DOCK11: variants seen among roughly 807,000 people sequenced by gnomAD.
DOCK11 encodes dedicator of cytokinesis 11, also known as dedicator of cytokinesis protein 11.
In DOCK11, 70 loss-of-function variants were observed where a neutral mutation model predicts 169.1. That is an observed-to-expected ratio of 0.41 (90% CI 0.34 to 0.51). DOCK11 has a LOEUF of 0.51. Among genes scored for constraint, DOCK11 ranks in the 20% least tolerant of loss-of-function variants. The pLI, the probability that DOCK11 is intolerant of heterozygous loss-of-function variation, is 0.10. For missense variants in DOCK11, 1,166 were observed against 1,538.8 expected (o/e 0.76, Z 4.05); for synonymous variants, 529 against 541.3 (o/e 0.98, Z 0.32).
intron 14 of DOCK11, among the ~76,000 whole-genome samples, chrX:118,583,954 G>T (rs1196094211): frequency 9.0e-6 from 1 of 111,167 alleles, no homozygotes; most frequent in Non-Finnish European, 1.9e-5. Flanking sequence ...TTTATCCATG[G>T]TTTTTTGAAT....
intron 12 of DOCK11, among the ~76,000 whole-genome samples, chrX:118,576,646 G>T (rs970072302): frequency 1.8e-5 from 2 of 112,193 alleles, no homozygotes; most frequent in Non-Finnish European, 3.8e-5. Flanking sequence ...CTGGGTTAGC[G>T]CAGTGCAGCG....
In DOCK11 at chrX:118,568,109, C is replaced by G. The variant is rs139686157; in HGVS notation, c.982C>G (p.Leu328Val). The G allele has an allele frequency of 1.0e-5, 12 of 1,157,289 alleles. No individual in the cohort carries two copies. The African/African-American group carries it at 1.8e-4, about 18-fold the overall frequency. Reference sequence around the variant, plus strand: ...AAGAGAAACTGAACAACTAAACAAACTCAGTAGAGGAGATGGAAGACAGAA... The same window carrying G: ...AAGAGAAACTGAACAACTAAACAAAGTCAGTAGAGGAGATGGAAGACAGAA... ...YGRETEQLNK[L>V]SRGDGRQNLF... The change falls in exon 10 of 53, where the codon CTC becomes GTC. Residue 328 changes from leucine to valine, a missense_variant. Transcript: ENST00000276202.
Position 118,685,732 on chromosome X carries a change from A to G in DOCK11, c.6147A>G (p.Thr2049=), listed in dbSNP as rs368881914. The G allele has an allele frequency of 8.3e-7, 1 of 1,211,092 alleles. No homozygotes were observed. The change falls in exon 53 of 53, where the codon ACA becomes ACG. Residue 2049 remains threonine (T), a synonymous_variant. Transcript: ENST00000276202. ...DTMHSPWMSN[T]LHVFCAISGT... ...TGCATTCTCCCTGGATGAGCAACAC[A>G]TTACATGTATTTTGTGCAATTAGTG... is the stretch of plus-strand genomic sequence containing the variant.
At chrX:118,541,326 T>A (rs2011994630) in intron 1 of DOCK11, among the ~76,000 whole-genome samples, 1 of 111,814 alleles carries the variant, frequency 8.9e-6, no homozygotes, top group African/African-American at 3.3e-5. Flanking sequence ...TGGGTGCATG[T>A]ACAGTAGTGA....
At chrX:118,511,011 C>T (rs1266251868) in intron 1 of DOCK11, among the ~76,000 whole-genome samples, 2 of 112,454 alleles carry the variant, frequency 1.8e-5, no homozygotes, top group African/African-American at 6.5e-5. Context: ...CCTCCTCACA[C>T]TGGCCAGTAT....
At chrX:118,669,592 C>T (rs973449353) in intron 45 of DOCK11, among the ~76,000 whole-genome samples, 2 of 111,583 alleles carry the variant, frequency 1.8e-5, no homozygotes, top group African/African-American at 6.5e-5. Flanking sequence ...GCCCTCATGA[C>T]TTAGTCATCT....
At chrX:118,620,574 TATAAC>T (rs2014947209) in intron 31 of DOCK11, among the ~76,000 whole-genome samples, 1 of 112,557 alleles carries the variant, frequency 8.9e-6, no homozygotes. Context: ...TTTGACACAT[TATAAC>T]ATACCTCCAC....
At chrX:118,529,942 A>T (rs2011471250) in intron 1 of DOCK11, among the ~76,000 whole-genome samples, 1 of 111,992 alleles carries the variant, frequency 8.9e-6, no homozygotes, top group African/African-American at 3.3e-5. Flanking sequence ...CAAGGGATCT[A>T]ATAAGCCTTG....
At chrX:118,542,390 C>CT (rs2012043825) in intron 1 of DOCK11, among the ~76,000 whole-genome samples, 1 of 110,488 alleles carries the variant, frequency 9.1e-6, no homozygotes, top group Non-Finnish European at 1.9e-5. Context: ...AGGCTGATCT[C>CT]TAATTCCTGG....
At chrX:118,550,371 C>T (rs2147357908) in intron 6 of DOCK11, among the ~76,000 whole-genome samples, 2 of 110,114 alleles carry the variant, frequency 1.8e-5, no homozygotes, top group South Asian at 7.9e-4. Flanking sequence ...CCTGGGAGGT[C>T]GAGGCTGTAG....
At chrX:118,533,172 G>T (rs764499090) in intron 1 of DOCK11, among the ~76,000 whole-genome samples, 3 of 110,525 alleles carry the variant, frequency 2.7e-5, no homozygotes, top group Non-Finnish European at 5.7e-5. Flanking sequence ...TTATATTTTT[G>T]GTAGAGACAG....
Position 118,567,190 on chromosome X carries a change from TA to T in DOCK11, c.951+538del, listed in dbSNP as rs780453375. On this transcript the variant is annotated intron_variant, in intron 9 of 52. Coordinates refer to ENST00000276202, the MANE Select transcript of DOCK11 (RefSeq NM_144658.4). ...AAATTGTAGAGATGATTGTCCTGAG[TA>T]TCTTACCACGATACTGTATTCTGTA... is the stretch of plus-strand genomic sequence containing the variant. Among the ~76,000 whole-genome samples the T allele has an allele frequency of 3.1e-4, 35 of 111,766 alleles. 1 individual carries two copies. Among genetic ancestry groups the T allele is most frequent in the Non-Finnish European group, 6.2e-4 (33 of 53,140 alleles).
At chrX:118,578,043 A>G in intron 12 of DOCK11, among the ~76,000 whole-genome samples, 1 of 112,277 alleles carries the variant, frequency 8.9e-6, no homozygotes, top group Non-Finnish European at 1.9e-5. Context: ...TCTGTCTCCT[A>G]CCTTTGCATT....
chrX:118,656,775 C>G (rs2016081910), intron 44 of DOCK11, among the ~76,000 whole-genome samples: 1 of 111,626 alleles, frequency 9.0e-6, no homozygotes, highest in Admixed American at 9.5e-5. Context: ...CCACCCTAGA[C>G]AACATGGTGA....
chrX:118,495,817 C>T lies in DOCK11; in HGVS notation c.-155C>T. On this transcript the variant is annotated 5_prime_UTR_variant, in exon 1 of 53. Transcript: ENST00000276202. ...GGTGGGAGGTGGGAGGGAGGAGCAG[C>T]GTGAGCCGCGCCGCCGCCGAGCTGC... is the stretch of plus-strand genomic sequence containing the variant. 1 of 163,944 alleles carries T rather than the reference C, an allele frequency of 6.1e-6. No individual in the cohort carries two copies. The highest frequency in any genetic ancestry group is 1.1e-5 in the Non-Finnish European group (1 of 89,434). 13.5% of individuals were successfully genotyped at this position (163,944 alleles called of 1,213,427 possible).
intron 4 of DOCK11, among the ~76,000 whole-genome samples, chrX:118,544,809 C>T (rs1043905270): frequency 9.5e-5 from 10 of 105,678 alleles, no homozygotes; most frequent in African/African-American, 3.1e-4. Context: ...TACAGGCACC[C>T]GCCATCACCC....
chrX:118,558,701 G>C (rs2012806646), intron 6 of DOCK11, among the ~76,000 whole-genome samples: 1 of 112,286 alleles, frequency 8.9e-6, no homozygotes, highest in African/African-American at 3.2e-5. Context: ...GTTGGGCAGA[G>C]TCTGATTTCT....
intron 44 of DOCK11, among the ~76,000 whole-genome samples, chrX:118,660,237 T>C (rs932090140): frequency 8.9e-6 from 1 of 112,221 alleles, no homozygotes; most frequent in Admixed American, 9.5e-5. Context: ...TGAATGTAAA[T>C]TAACCATGTC....
chrX:118,572,124 A>G (rs781178923), intron 10 of DOCK11, among the ~76,000 whole-genome samples, 199 bp from the exon 11 acceptor site: 4 of 112,125 alleles, frequency 3.6e-5, no homozygotes, highest in Non-Finnish European at 7.5e-5. Context: ...GAGTTTCATC[A>G]TCTCCCTCTA....
Sources: gnomAD v4.1 joint callset for allele counts (sites outside exome capture counted in the v4.1 genomes callset) on GRCh38, gnomAD v4.1.1 for gene constraint, MANE v1.5 for transcripts, NCBI Gene and HGNC (gene_info 2026-07-23, HGNC 2026-07-21) for gene names.